ABCC8: variants seen among roughly 807,000 people sequenced by gnomAD.
ABCC8 encodes the protein ATP-binding cassette sub-family C member 8.
In ABCC8, 137 loss-of-function variants were observed where a neutral mutation model predicts 188.0. That is an observed-to-expected ratio of 0.73 (90% CI 0.63 to 0.84). ABCC8 has a LOEUF of 0.84. Ranked by LOEUF, ABCC8 falls within the 40% of genes least tolerant of loss-of-function variation. The pLI, the probability that ABCC8 is intolerant of heterozygous loss-of-function variation, is 0.00. For synonymous variants in ABCC8, 797 were observed against 846.5 expected (o/e 0.94, Z 1.01); for missense variants, 1,750 against 2,072.7 (o/e 0.84, Z 3.02).
chr11:17,453,029 C>A, intron 7 of ABCC8, 90 bp downstream of exon 7: 1 of 1,196,934 alleles, frequency 8.4e-7, no homozygotes, highest in Non-Finnish European at 1.2e-6. Flanking sequence ...CAGAATTATT[C>A]TTGAGTGTCC....
At chr11:17,396,075 C>T (rs1591711476) in intron 33 of ABCC8, 145 bp from the exon 34 acceptor site, 2 of 1,500,764 alleles carry the variant, frequency 1.3e-6, no homozygotes, top group Middle Eastern at 2.3e-4. Context: ...TCTTTGGACA[C>T]CACAGGTTTG....
Position 17,406,613 on chromosome 11 carries a change from GA to G in ABCC8, c.3329+8del. 1 of 1,611,886 alleles carries G rather than the reference GA, an allele frequency of 6.2e-7. No individual in the cohort carries two copies. Among genetic ancestry groups the G allele is most frequent in the South Asian group, 1.1e-5 (1 of 90,952 alleles). On this transcript the variant is annotated splice_region_variant and intron_variant, in intron 26 of 38. Coordinates refer to ENST00000389817, the MANE Select transcript of ABCC8 (RefSeq NM_000352.6). The stretch of plus-strand genomic sequence containing the variant: ...TCACAGTCCCAGCCTGGCCAGGGGA[GA>G]CGGGTACCTCATGGGGGCTAGGATG...
chr11:17,408,574 C>T (rs932017242), intron 22 of ABCC8, 57 bp from the exon 23 acceptor site: 10 of 1,582,012 alleles, frequency 6.3e-6, no homozygotes, highest in African/African-American at 1.3e-5. Context: ...ATGGTGGTCA[C>T]ATCCCTCAAT....
chr11:17,432,299 GGAGATGCCC>G (rs1955885333), intron 10 of ABCC8, 55 bp from the exon 11 acceptor site: 1 of 1,551,572 alleles, frequency 6.4e-7, no homozygotes, highest in African/African-American at 1.4e-5. Flanking sequence ...AGCTACACAT[GGAGATGCCC>G]AGGATGGCTT....
At position 17,407,022 on chromosome 11, in the gene ABCC8, G is replaced by A; in HGVS notation, c.3028C>T (p.Leu1010=). ...GAGAAGACCAGCAACGACAGGAGCA[G>A]GATGCCGGCGGAGGACAGGTACTTG... ...CAKYLSSAGI[L]LLSLLVFSQL... Residue 1010 remains leucine (L), a synonymous_variant, in exon 25 of 39, where the codon CTG becomes TTG. Transcript: ENST00000389817. 6.2e-7 allele frequency: 1 copy of A among 1,614,210 alleles called. No individual in the cohort carries two copies.
At chr11:17,454,828 G>A (rs2133649006) in intron 6 of ABCC8, among the ~76,000 whole-genome samples, 1 of 152,314 alleles carries the variant, frequency 6.6e-6, no homozygotes. Context: ...CAGACCCACT[G>A]TCTAGGCCTC....
At chr11:17,434,187 C>T (rs888605193) in intron 10 of ABCC8, among the ~76,000 whole-genome samples, 1 of 152,312 alleles carries the variant, frequency 6.6e-6, no homozygotes, top group Admixed American at 6.5e-5. Flanking sequence ...CTCCTCCTGG[C>T]CCATCCCCAT....
chr11:17,408,826 T>C (rs1422110630), intron 22 of ABCC8, among the ~76,000 whole-genome samples: 2 of 152,138 alleles, frequency 1.3e-5, no homozygotes, highest in Non-Finnish European at 2.9e-5. Flanking sequence ...CGTCATACAC[T>C]AAGTGGGCTC....
At chr11:17,444,660 G>A (rs1956456158) in intron 8 of ABCC8, among the ~76,000 whole-genome samples, 1 of 152,210 alleles carries the variant, frequency 6.6e-6, no homozygotes. Flanking sequence ...GATTCTGAGT[G>A]TGCAAAGCAA....
chr11:17,402,279 T>G (rs72866820), intron 29 of ABCC8, among the ~76,000 whole-genome samples: 8,832 of 152,276 alleles, frequency 0.058, 452 homozygotes, highest in Admixed American at 0.15. Flanking sequence ...TGAGTGGGAT[T>G]GGCCTGTACA....
intron 1 of ABCC8, 68 bp downstream of exon 1, chr11:17,476,561 C>A: frequency 2.6e-6 from 4 of 1,558,610 alleles, no homozygotes; most frequent in Non-Finnish European, 2.6e-6. Context: ...AGCGGTGCGG[C>A]GCGCAGCGCC....
intron 5 of ABCC8, 73 bp downstream of exon 5, chr11:17,461,510 C>T (rs546693418): frequency 2.0e-5 from 31 of 1,589,216 alleles, no homozygotes; most frequent in Admixed American, 8.3e-5. Context: ...TGACCTAATG[C>T]CCTTTGAGGT....
chr11:17,432,495 G>T, intron 10 of ABCC8: 2 of 716,038 alleles, frequency 2.8e-6, no homozygotes, highest in Non-Finnish European at 4.3e-6. Context: ...CGTGTGGACA[G>T]GGTGAAGTTA....
intron 18 of ABCC8, 43 bp from the exon 19 acceptor site, chr11:17,414,653 T>C (rs752747318): frequency 1.9e-6 from 3 of 1,612,162 alleles, no homozygotes; most frequent in Admixed American, 3.3e-5. Flanking sequence ...GAAGGCATTC[T>C]CAGGGGCTTG....
rs1469422468 is a variant in ABCC8, at chr11:17,475,042, A to C, written c.149-15T>G. On this transcript the variant is annotated splice_polypyrimidine_tract_variant and intron_variant, in intron 1 of 38. Coordinates refer to ENST00000389817, the MANE Select transcript of ABCC8 (RefSeq NM_000352.6). ...ACTTCCCCATCCTGCAGGGAGAGACAGTCAGAGGCAGGATGCCTGCCCACT... is the reference window on the plus strand; with the variant it reads ...ACTTCCCCATCCTGCAGGGAGAGACCGTCAGAGGCAGGATGCCTGCCCACT... 1.9e-6 allele frequency: 3 copies of C among 1,614,064 alleles called. No homozygotes were observed. In the South Asian group the frequency reaches 3.3e-5, roughly 18 times the overall value.
intron 23 of ABCC8, chr11:17,407,659 G>C (rs975338673): frequency 2.0e-6 from 1 of 500,630 alleles, no homozygotes; most frequent in Non-Finnish European, 2.6e-6. Flanking sequence ...ATATCCCTGT[G>C]GGGAACCACT....
intron 23 of ABCC8, 53 bp downstream of exon 23, chr11:17,408,339 G>C: frequency 6.5e-7 from 1 of 1,531,340 alleles, no homozygotes; most frequent in Non-Finnish European, 9.0e-7. Context: ...TCAGGTTCTA[G>C]CAGAACCTTT....
At chr11:17,461,557 G>A (rs764367591) in intron 5 of ABCC8, 26 bp downstream of exon 5, 2 of 1,614,066 alleles carry the variant, frequency 1.2e-6, no homozygotes, top group South Asian at 2.2e-5. Flanking sequence ...GCAGTGAATA[G>A]ATGGTGTGGC....
Position 17,428,670 on chromosome 11 carries a change from G to T in ABCC8, c.1818C>A (p.Ser606Arg). ...ACAGGAACTCGCTTAGCTTTTGCAC[G>T]CTGCTCGGGAAGCACAGAGACACCC... The part of the protein sequence containing the change: ...VVRSTVKALV[S>R]VQKLSEFLSS... Residue 606 changes from serine (S) to arginine (R), a missense_variant and splice_region_variant, in exon 13 of 39, where the codon AGC (serine) becomes AGA (arginine). Ser to Arg is a moderately radical substitution (Grantham distance 110). Coordinates refer to ENST00000389817, the MANE Select transcript of ABCC8 (RefSeq NM_000352.6). The T allele has an allele frequency of 6.8e-6, 11 of 1,612,500 alleles. No homozygotes were observed. The highest frequency in any genetic ancestry group is 9.3e-6 in the Non-Finnish European group (11 of 1,180,024).
Sources: allele counts gnomAD v4.1 joint callset (sites outside exome capture counted in the v4.1 genomes callset), GRCh38; gene constraint gnomAD v4.1.1; transcripts MANE v1.5; gene names NCBI Gene and HGNC (gene_info 2026-07-23, HGNC 2026-07-21).